Variants in HNF1A observed in about 807,000 individuals in gnomAD.
HNF1A encodes the protein HNF1 homeobox A.
In HNF1A, 21 loss-of-function variants were observed where a neutral mutation model predicts 62.2. The observed-to-expected ratio is 0.34, with a 90% CI of 0.24 to 0.49. The LOEUF is 0.49. Among genes scored for constraint, HNF1A ranks in the 20% least tolerant of loss-of-function variants. The probability of loss-of-function intolerance (pLI) is 0.99; values close to 1 mark genes in which losing one functional copy is unlikely to be tolerated. For missense variants in HNF1A, 687 were observed against 832.3 expected (o/e 0.83, Z 2.15); for synonymous variants, 374 against 366.8 (o/e 1.02, Z -0.22).
At chr12:120,997,218 T>C (rs536014866) in intron 6 of HNF1A, 7 of 1,422,280 alleles carry the variant, frequency 4.9e-6, no homozygotes, top group Admixed American at 2.9e-5. Context: ...GAACCGCAGT[T>C]TGACAACTTT....
rs770048703 is a variant in HNF1A at position 120,993,685 on chromosome 12, C to T, written c.692C>T (p.Thr231Met). The change falls in exon 3 of 10, where the codon ACG (threonine) becomes ATG (methionine). Residue 231 changes from threonine (T) to methionine (M), a missense_variant. By Grantham distance (81) the Thr-to-Met change is moderately conservative. Coordinates refer to ENST00000257555, the MANE Select transcript of HNF1A (RefSeq NM_000545.8). ...AACCCTAGCAAGGAGGAGCGAGAGA[C>T]GCTAGTGGAGGAGTGCAATAGGTAC... ...QKNPSKEERE[T>M]LVEECNRAEC... The T allele has an allele frequency of 8.7e-6, 14 of 1,613,998 alleles. No homozygotes were observed. The highest frequency in any genetic ancestry group is 5.5e-5 in the South Asian group (5 of 91,080).
chr12:121,001,172 A>G lies in HNF1A; in HGVS notation c.1876A>G (p.Met626Val). 1.2e-6 allele frequency: 2 copies of G among 1,614,062 alleles called. No individual in the cohort carries two copies. The highest frequency in any genetic ancestry group is 1.7e-6 in the Non-Finnish European group (2 of 1,179,996). ...SVIETFISTQMASSSQ is the reference protein window; with the variant it reads ...SVIETFISTQVASSSQ ...CATCGAGACCTTCATCTCCACCCAG[A>G]TGGCCTCTTCCTCCCAGTAACCACG... The change falls in exon 10 of 10, where the codon ATG becomes GTG. Residue 626 changes from methionine (M) to valine (V), a missense_variant. Met to Val is a conservative substitution (Grantham distance 21, BLOSUM62 1). Coordinates refer to ENST00000257555, the MANE Select transcript of HNF1A (RefSeq NM_000545.8).
intron 1 of HNF1A, among the ~76,000 whole-genome samples, chr12:120,982,466 G>GGTGC (rs1555210725): frequency 1.3e-5 from 2 of 151,630 alleles, no homozygotes; most frequent in African/African-American, 4.9e-5. Flanking sequence ...CAGGAGGGGG[G>GGTGC]GGGGACAGAG....
Position 120,989,052 on chromosome 12 carries a change from C to T in HNF1A, c.526+20C>T, listed in dbSNP as rs747747936. 5.0e-6 allele frequency: 8 copies of T among 1,612,504 alleles called. No homozygotes were observed. In the African/African-American group the frequency reaches 6.7e-5, roughly 13 times the overall value. ...CGCAGCGTAAGTAATGACCCTACCC[C>T]GCATCTTCCCTGGGAGGGCCCAGGA... On this transcript the variant is annotated intron_variant, in intron 2 of 9. Transcript: ENST00000257555.
rs751112023 is a variant in HNF1A at position 121,001,076 on chromosome 12, A to C, written c.1780A>C (p.Ser594Arg). Residue 594 changes from serine (S) to arginine (R), a missense_variant, in exon 10 of 10, where the codon AGC (serine) becomes CGC (arginine). Ser to Arg is a moderately radical substitution (Grantham distance 110). Coordinates refer to ENST00000257555, the MANE Select transcript of HNF1A (RefSeq NM_000545.8). The part of the protein sequence containing the change: ...LSASPTVSSS[S>R]LVLYQSSDSS... ...GTTTGCCTCTGCAGTGTCCTCCAGC[A>C]GCCTGGTGCTGTACCAGAGCTCAGA... The C allele has an allele frequency of 1.2e-6, 2 of 1,613,562 alleles. No individual in the cohort carries two copies. Among genetic ancestry groups the C allele is most frequent in the Non-Finnish European group, 1.7e-6 (2 of 1,179,866 alleles).
chr12:120,991,142 T>A (rs1248665564), intron 2 of HNF1A, among the ~76,000 whole-genome samples: 1 of 152,232 alleles, frequency 6.6e-6, no homozygotes, highest in Non-Finnish European at 1.5e-5. Flanking sequence ...AAGTGCATGT[T>A]CACATGTGAC....
In HNF1A at chr12:120,978,645, G is replaced by T. The variant is rs563304627; in HGVS notation, c.-124G>T. 2.8e-5 allele frequency: 26 copies of T among 926,556 alleles called. No homozygotes were observed. Among genetic ancestry groups the T allele is most frequent in the Middle Eastern group, 2.4e-4 (1 of 4,118 alleles). The allele number at this position is 926,556 out of a possible 1,614,324, so 57.4% of individuals were successfully genotyped here. ...ACAGGGCTTGGCTAGTGGGGTTTTG[G>T]GGGGGCAGTGGGTGCAAGGAGTTTG... On this transcript the variant is annotated 5_prime_UTR_variant, in exon 1 of 10. Coordinates refer to ENST00000257555, the MANE Select transcript of HNF1A (RefSeq NM_000545.8).
chr12:120,980,424 AG>A (rs1487552466), intron 1 of HNF1A, among the ~76,000 whole-genome samples: 1 of 151,880 alleles, frequency 6.6e-6, no homozygotes, highest in Non-Finnish European at 1.5e-5. Flanking sequence ...GAGCCTCCCG[AG>A]GGCCTGGACA....
At position 120,999,602 on chromosome 12, in the gene HNF1A, C is replaced by G. The variant is rs940939530; in HGVS notation, c.1743C>G (p.Ala581=). The G allele has an allele frequency of 2.0e-5, 32 of 1,610,848 alleles. No homozygotes were observed. The highest frequency in any genetic ancestry group is 2.7e-5 in the Non-Finnish European group (32 of 1,178,904). ...DPASIQHLQP[A]HRLSASPTVS... ...CCAGCATCCAGCACCTGCAGCCGGC[C>G]CACCGGCTCAGCGCCAGCCCCACAG... The change falls in exon 9 of 10, where the codon GCC becomes GCG. Residue 581 remains alanine (A), a synonymous_variant. Transcript: ENST00000257555.
rs937579196 is a variant in HNF1A at position 121,001,852 on chromosome 12, C to A, written c.*660C>A. On this transcript the variant is annotated 3_prime_UTR_variant, in exon 10 of 10. Coordinates refer to ENST00000257555, the MANE Select transcript of HNF1A (RefSeq NM_000545.8). ...AAGGCAGGCAGGGCTCTCCTGGCTT[C>A]CCATCCCCAGCGATTCCCTCTCCCA... The A allele has an allele frequency of 3.8e-6, 2 of 526,048 alleles. No homozygotes were observed. The highest frequency in any genetic ancestry group is 7.4e-6 in the Non-Finnish European group (2 of 271,020). 32.6% of individuals were successfully genotyped at this position (526,048 alleles called of 1,614,324 possible).
At position 120,999,550 on chromosome 12, in the gene HNF1A, C is replaced by T; in HGVS notation, c.1691C>T (p.Thr564Ile). The T allele has an allele frequency of 1.9e-6, 3 of 1,612,990 alleles. No homozygotes were observed. Among genetic ancestry groups the T allele is most frequent in the African/African-American group, 1.3e-5 (1 of 75,056 alleles). The change falls in exon 9 of 10, where the codon ACC becomes ATC. Residue 564 changes from threonine to isoleucine, a missense_variant. Physicochemically the swap from Thr to Ile is moderately conservative, Grantham distance 89. This residue lies in a region of HNF1A where 408 missense variants were observed against 455.3 expected (regional missense o/e 0.90). Transcript: ENST00000257555. Reference protein sequence around the residue: ...GLHTPASQATTLHVPSQDPAS... With the variant: ...GLHTPASQATILHVPSQDPAS... ...CACACGCCGGCATCTCAGGCCACCA[C>T]CCTCCACGTCCCCAGCCAGGACCCT...
chr12:120,997,770 T>C (rs1341235333), intron 7 of HNF1A, 105 bp downstream of exon 7: 1 of 1,215,018 alleles, frequency 8.2e-7, no homozygotes. Flanking sequence ...TGCATGTGTC[T>C]CTGGGACAAG....
intron 7 of HNF1A, 53 bp downstream of exon 7, chr12:120,997,718 A>G (rs1205289536): frequency 5.2e-6 from 8 of 1,548,978 alleles, no homozygotes; most frequent in Middle Eastern, 3.3e-4. Context: ...GTTGGCTGTC[A>G]ATGGATGCAG....
intron 2 of HNF1A, among the ~76,000 whole-genome samples, chr12:120,992,590 G>A (rs1053607937): frequency 6.6e-6 from 1 of 152,060 alleles, no homozygotes; most frequent in African/African-American, 2.4e-5. Context: ...ACAGTTCAAT[G>A]AATTTTCACA....
chr12:120,997,609 G>C lies in HNF1A; in HGVS notation c.1445G>C (p.Ser482Thr). 2 of 1,613,704 alleles carry C rather than the reference G, an allele frequency of 1.2e-6. No homozygotes were observed. The highest frequency in any genetic ancestry group is 1.7e-6 in the Non-Finnish European group (2 of 1,179,900). Residue 482 changes from serine (S) to threonine (T), a missense_variant, in exon 7 of 10, where the codon AGC becomes ACC. Ser to Thr is a moderately conservative substitution (Grantham distance 58). This residue lies in a region of HNF1A where 408 missense variants were observed against 455.3 expected (regional missense o/e 0.90). Transcript: ENST00000257555. Reference protein sequence around the residue: ...YQQPLMPPVQSHVTQSPFMAT... With the variant: ...YQQPLMPPVQTHVTQSPFMAT... ...CAGCCGCTCATGCCACCTGTGCAGA[G>C]CCATGTGACCCAGAGCCCCTTCATG...
chr12:120,989,028 G>T lies in HNF1A; in HGVS notation c.522G>T (p.Ala174=). ...TWYVRKQREV[A]QQFTHAGQGG... The stretch of plus-strand genomic sequence containing the variant: ...ACGTCCGCAAGCAGCGAGAGGTGGC[G>T]CAGCGTAAGTAATGACCCTACCCCG... The change falls in exon 2 of 10, where the codon GCG becomes GCT. Residue 174 remains alanine (A), a synonymous_variant. Coordinates refer to ENST00000257555, the MANE Select transcript of HNF1A (RefSeq NM_000545.8). 1 of 1,614,078 alleles carries T rather than the reference G, an allele frequency of 6.2e-7. No homozygotes were observed. Among genetic ancestry groups the T allele is most frequent in the Non-Finnish European group, 8.5e-7 (1 of 1,179,992 alleles).
chr12:120,982,649 TGTA>T (rs1297221427), intron 1 of HNF1A, among the ~76,000 whole-genome samples: 2 of 152,162 alleles, frequency 1.3e-5, no homozygotes, highest in African/African-American at 4.8e-5. Context: ...AGAGTAAACA[TGTA>T]GTAACTGCAA....
At position 120,978,646 on chromosome 12, in the gene HNF1A, G is replaced by T; in HGVS notation, c.-123G>T. 1.1e-6 allele frequency: 1 copy of T among 932,774 alleles called. No individual in the cohort carries two copies. The highest frequency in any genetic ancestry group is 1.7e-6 in the Non-Finnish European group (1 of 579,832). 57.8% of individuals were successfully genotyped at this position (932,774 alleles called of 1,614,324 possible). A position where few individuals can be genotyped will look rare whatever the true frequency, so the allele number is the denominator to read the frequency against. ...CAGGGCTTGGCTAGTGGGGTTTTGG[G>T]GGGGCAGTGGGTGCAAGGAGTTTGG... On this transcript the variant is annotated 5_prime_UTR_variant, in exon 1 of 10. Transcript: ENST00000257555.
Position 120,978,595 on chromosome 12 carries a change from C to T in HNF1A, c.-174C>T. 1.5e-6 allele frequency: 1 copy of T among 672,532 alleles called. No individual in the cohort carries two copies. Among genetic ancestry groups the T allele is most frequent in the Non-Finnish European group, 2.7e-6 (1 of 373,664 alleles). The allele number at this position is 672,532 out of a possible 1,614,324, so 41.7% of individuals were successfully genotyped here. On this transcript the variant is annotated 5_prime_UTR_variant, in exon 1 of 10. Coordinates refer to ENST00000257555, the MANE Select transcript of HNF1A (RefSeq NM_000545.8). ...GGCCCTGATTCACGGGCCGCTGGGG[C>T]CAGGGTTGGGGGTTGGGGGTGCCCA...
Sources: allele counts gnomAD v4.1 joint callset (sites outside exome capture counted in the v4.1 genomes callset), GRCh38; gene constraint gnomAD v4.1.1; regional missense constraint gnomAD v4.1.1; transcripts MANE v1.5; gene names NCBI Gene and HGNC (gene_info 2026-07-23, HGNC 2026-07-21).